HS6ST3: variants seen among roughly 807,000 people sequenced by gnomAD.
HS6ST3 encodes the protein heparan-sulfate 6-O-sulfotransferase 3.
Under a neutral mutation model 36.7 loss-of-function variants are expected in HS6ST3, and 12 were observed. The observed-to-expected ratio is 0.33, with a 90% CI of 0.21 to 0.53. The LOEUF is 0.53. HS6ST3 is among the 20% of genes least tolerant of loss of function. HS6ST3 has a pLI of 0.95. For missense variants in HS6ST3, 584 were observed against 640.9 expected (o/e 0.91, Z 0.96); for synonymous variants, 240 against 257.5 (o/e 0.93, Z 0.65).
At chr13:96,396,591 T>C (rs1413524624) in intron 1 of HS6ST3, among the ~76,000 whole-genome samples, 1 of 152,166 alleles carries the variant, frequency 6.6e-6, no homozygotes, top group East Asian at 1.9e-4. Flanking sequence ...CAGAGTCACC[T>C]TTTCCCATCT....
intron 1 of HS6ST3, among the ~76,000 whole-genome samples, chr13:96,194,756 G>GCC (rs1213282341): frequency 7.1e-6 from 1 of 140,712 alleles, no homozygotes; most frequent in African/African-American, 2.7e-5. Flanking sequence ...TCCCCCACAA[G>GCC]CCCCCGCCAT....
intron 1 of HS6ST3, among the ~76,000 whole-genome samples, chr13:96,602,530 A>G (rs1480501902): frequency 6.6e-6 from 1 of 152,218 alleles, no homozygotes; most frequent in East Asian, 1.9e-4. Context: ...GCACTGCAGC[A>G]GCTAGTGCAG....
intron 1 of HS6ST3, among the ~76,000 whole-genome samples, chr13:96,227,212 G>A (rs2054484879): frequency 6.6e-6 from 1 of 152,078 alleles, no homozygotes; most frequent in Non-Finnish European, 1.5e-5. Flanking sequence ...CAAACTTTGG[G>A]ATAAATATTT....
intron 1 of HS6ST3, among the ~76,000 whole-genome samples, chr13:96,685,579 A>G (rs777070712): frequency 4.2e-4 from 64 of 152,040 alleles, no homozygotes; most frequent in Admixed American, 1.2e-3. Context: ...TCATATATTG[A>G]CCGTGCACAC....
chr13:96,135,179 C>G (rs944327911), intron 1 of HS6ST3, among the ~76,000 whole-genome samples: 1 of 151,930 alleles, frequency 6.6e-6, no homozygotes, highest in Non-Finnish European at 1.5e-5. Context: ...TGAGTTGGAC[C>G]TGCCACCCTT....
intron 1 of HS6ST3, among the ~76,000 whole-genome samples, chr13:96,157,773 G>C (rs1334207462): frequency 1.3e-5 from 2 of 152,122 alleles, no homozygotes; most frequent in East Asian, 3.9e-4. Context: ...TGTGCAAGAG[G>C]ACTCAAAAAG....
At chr13:96,555,375 A>C (rs1207759393) in intron 1 of HS6ST3, among the ~76,000 whole-genome samples, 1 of 152,214 alleles carries the variant, frequency 6.6e-6, no homozygotes, top group Non-Finnish European at 1.5e-5. Context: ...CCAGTGGTCA[A>C]ATGGTTCACA....
At chr13:96,190,848 G>A (rs1044832269) in intron 1 of HS6ST3, among the ~76,000 whole-genome samples, 1 of 152,190 alleles carries the variant, frequency 6.6e-6, no homozygotes, top group Admixed American at 6.5e-5. Flanking sequence ...TCTACTTCAG[G>A]TACAGGGAGC....
chr13:96,185,346 T>C (rs2054260189), intron 1 of HS6ST3, among the ~76,000 whole-genome samples: 1 of 152,248 alleles, frequency 6.6e-6, no homozygotes, highest in African/African-American at 2.4e-5. Context: ...TATAAGATGC[T>C]TTCTTATTTA....
At chr13:96,741,593 TTA>T (rs1257495891) in intron 1 of HS6ST3, among the ~76,000 whole-genome samples, 2 of 152,160 alleles carry the variant, frequency 1.3e-5, no homozygotes, top group Non-Finnish European at 2.9e-5. Flanking sequence ...GTAATCATGC[TTA>T]GTCTTCATCT....
intron 1 of HS6ST3, among the ~76,000 whole-genome samples, chr13:96,337,550 C>A (rs1356319360): frequency 6.6e-6 from 1 of 152,090 alleles, no homozygotes; most frequent in Non-Finnish European, 1.5e-5. Flanking sequence ...TCACTTCTGA[C>A]CCTTTGTTGT....
At chr13:96,624,858 A>T (rs919752884) in intron 1 of HS6ST3, among the ~76,000 whole-genome samples, 3 of 152,138 alleles carry the variant, frequency 2.0e-5, no homozygotes, top group Non-Finnish European at 4.4e-5. Flanking sequence ...TTCTATTGTT[A>T]ATTTTTTTTC....
intron 1 of HS6ST3, among the ~76,000 whole-genome samples, chr13:96,283,017 G>A (rs1460410360): frequency 2.0e-5 from 3 of 152,172 alleles, no homozygotes; most frequent in Admixed American, 2.0e-4. Context: ...AGTCCCTGAT[G>A]AGTAACCTGG....
chr13:96,755,010 A>G (rs61968181), intron 1 of HS6ST3, among the ~76,000 whole-genome samples: 2 of 151,924 alleles, frequency 1.3e-5, no homozygotes, highest in Non-Finnish European at 2.9e-5. Context: ...TTTTTTTTAA[A>G]TTACACTAAT....
At chr13:96,401,514 G>A (rs1336006914) in intron 1 of HS6ST3, among the ~76,000 whole-genome samples, 1 of 152,104 alleles carries the variant, frequency 6.6e-6, no homozygotes, top group African/African-American at 2.4e-5. Context: ...GTTTCTTATA[G>A]TTTTATTTGT....
chr13:96,279,783 A>G (rs1252879478), intron 1 of HS6ST3, among the ~76,000 whole-genome samples: 2 of 152,102 alleles, frequency 1.3e-5, no homozygotes, highest in Non-Finnish European at 2.9e-5. Flanking sequence ...TGCTTCTTTA[A>G]TTCTGTATTG....
Position 96,597,350 on chromosome 13 carries a change from G to GA in HS6ST3, c.708-235127dup, listed in dbSNP as rs760826834. Among the ~76,000 whole-genome samples the GA allele has an allele frequency of 7.3e-3, 956 of 131,824 alleles. 5 individuals are homozygous for GA. The highest frequency in any genetic ancestry group is 0.022 in the African/African-American group (794 of 35,976). 86.5% of individuals were successfully genotyped at this position (131,824 alleles called of 152,430 possible). ...CCCTGAACTTAAAATAAAAGTTAAA[G>GA]AAAAAAAAAAAAAGGTCATTCTGGC... On this transcript the variant is annotated intron_variant, in intron 1 of 1. Transcript: ENST00000376705.
chr13:96,370,613 T>TA (rs1245683814), intron 1 of HS6ST3, among the ~76,000 whole-genome samples: 4 of 152,140 alleles, frequency 2.6e-5, no homozygotes, highest in Non-Finnish European at 4.4e-5. Context: ...CACTCCCATT[T>TA]AAAAAAATCC....
chr13:96,336,278 T>C (rs1594756770), intron 1 of HS6ST3, among the ~76,000 whole-genome samples: 1 of 152,354 alleles, frequency 6.6e-6, no homozygotes, highest in East Asian at 1.9e-4. Flanking sequence ...TTGAGCTCTT[T>C]GAGCTGCTTC....
Sources: gnomAD v4.1 joint callset for allele counts (sites outside exome capture counted in the v4.1 genomes callset) on GRCh38, gnomAD v4.1.1 for gene constraint, MANE v1.5 for transcripts, NCBI Gene and HGNC (gene_info 2026-07-23, HGNC 2026-07-21) for gene names.